MAP4K4: variants seen among roughly 807,000 people sequenced by gnomAD.
MAP4K4 encodes the protein mitogen-activated protein kinase kinase kinase kinase 4, also known as HPK/GCK-like kinase HGK.
Under a neutral mutation model 189.6 loss-of-function variants are expected in MAP4K4, and 38 were observed. The ratio of observed to expected loss-of-function variants is 0.20; its 90% CI spans 0.15 to 0.26. The LOEUF (loss-of-function observed/expected upper bound fraction) is 0.26, where lower values mean the gene tolerates loss of function less well. Among genes scored for constraint, MAP4K4 ranks in the 10% least tolerant of loss-of-function variants. The pLI is 1.00. For missense variants in MAP4K4, 1,054 were observed against 1,726.9 expected (o/e 0.61, Z 6.91); for synonymous variants, 610 against 624.3 (o/e 0.98, Z 0.34).
exon 14 of MAP4K4, chr2:101,859,017 G>C: frequency 6.2e-7 from 1 of 1,612,732 alleles, no homozygotes. Context: ...GCGACAGCTA[G>C]AAGAGGAGCA....
rs1321599736 is a variant in MAP4K4, at chr2:101,704,535, GTGTGTGTATA to G, written c.123+5999_123+6008del. Among the ~76,000 whole-genome samples the G allele has an allele frequency of 3.6e-3, 269 of 75,348 alleles. 6 individuals are homozygous for G. Among genetic ancestry groups the G allele is most frequent in the African/African-American group, 7.8e-3 (119 of 15,306 alleles). 49.4% of individuals were successfully genotyped at this position (75,348 alleles called of 152,430 possible). On this transcript the variant is annotated intron_variant, in intron 2 of 32. Transcript: ENST00000324219. The stretch of plus-strand genomic sequence containing the variant: ...ACCAATATTTTATGTGTGTGTGTGT[GTGTGTGTATA>G]TATATATATATATATATATATATTT...
At position 101,747,793 on chromosome 2, in the gene MAP4K4, GTC is replaced by G. The variant is rs541319547; in HGVS notation, c.124-42925_124-42924del. On this transcript the variant is annotated intron_variant, in intron 2 of 32. Coordinates refer to ENST00000324219, the Ensembl canonical transcript of MAP4K4. ...ATCCCAAATATCATTTTAATACTAT[GTC>G]TAGTTTGGTCCAAGAAATAGGCTTG... Among the ~76,000 whole-genome samples, 9 of 152,252 alleles carry G rather than the reference GTC, an allele frequency of 5.9e-5. No individual in the cohort carries two copies. In the East Asian group the frequency reaches 1.5e-3, roughly 26 times the overall value.
At chr2:101,712,627 G>A (rs1190185771) in intron 2 of MAP4K4, among the ~76,000 whole-genome samples, 2 of 152,008 alleles carry the variant, frequency 1.3e-5, no homozygotes, top group Non-Finnish European at 2.9e-5. Context: ...AACCTCCTGA[G>A]TAGCTGGGAT....
chr2:101,824,405 A>C (rs993228165), intron 4 of MAP4K4, among the ~76,000 whole-genome samples: 1 of 152,220 alleles, frequency 6.6e-6, no homozygotes, highest in Non-Finnish European at 1.5e-5. Flanking sequence ...AAGCTCAGTA[A>C]ATTGAGCTTA....
intron 2 of MAP4K4, among the ~76,000 whole-genome samples, chr2:101,711,828 T>C (rs181403040): frequency 2.0e-5 from 3 of 151,086 alleles, no homozygotes; most frequent in Admixed American, 2.0e-4. Flanking sequence ...GCTGAAAATA[T>C]ATTCTTATTG....
At chr2:101,704,514 A>G (rs959907941) in intron 2 of MAP4K4, among the ~76,000 whole-genome samples, 18 of 127,136 alleles carry the variant, frequency 1.4e-4, no homozygotes, top group Non-Finnish European at 4.8e-5. Context: ...TTCTTAACCA[A>G]TATTTTATGT....
At chr2:101,765,401 C>G (rs1360580929) in intron 2 of MAP4K4, among the ~76,000 whole-genome samples, 3 of 152,202 alleles carry the variant, frequency 2.0e-5, no homozygotes, top group Non-Finnish European at 4.4e-5. Context: ...GCAATCACGG[C>G]TCTCTGCAGC....
At chr2:101,787,804 C>CTTTT (rs750909990) in intron 2 of MAP4K4, among the ~76,000 whole-genome samples, 10 of 128,830 alleles carry the variant, frequency 7.8e-5, no homozygotes, top group South Asian at 2.5e-4. Context: ...TAGAAGTTTG[C>CTTTT]TTTTTTTTTT....
chr2:101,843,479 T>C (rs546023690), intron 11 of MAP4K4, among the ~76,000 whole-genome samples: 4 of 152,312 alleles, frequency 2.6e-5, no homozygotes, highest in African/African-American at 9.6e-5. Flanking sequence ...TGTTTTTGAA[T>C]AGGAGGAGCA....
At chr2:101,755,620 C>T (rs189806862) in intron 2 of MAP4K4, among the ~76,000 whole-genome samples, 4 of 152,252 alleles carry the variant, frequency 2.6e-5, no homozygotes, top group Admixed American at 1.3e-4. Flanking sequence ...TAGCTGCACA[C>T]TCTTTTCTTC....
At chr2:101,839,735 T>A in intron 9 of MAP4K4, 84 bp from the exon 10 acceptor site, 1 of 1,034,392 alleles carries the variant, frequency 9.7e-7, no homozygotes, top group Non-Finnish European at 1.4e-6. Flanking sequence ...AAGCTCTTCT[T>A]TATGTTGAGG....
intron 2 of MAP4K4, among the ~76,000 whole-genome samples, chr2:101,734,569 G>A (rs554753353): frequency 2.4e-5 from 3 of 123,924 alleles, no homozygotes; most frequent in East Asian, 2.4e-4. Context: ...GTGCTTGGTC[G>A]TTACCCATTT....
chr2:101,723,056 G>A (rs986074221), intron 2 of MAP4K4, among the ~76,000 whole-genome samples: 11 of 152,202 alleles, frequency 7.2e-5, no homozygotes, highest in African/African-American at 9.7e-5. Flanking sequence ...TTCACAAGGC[G>A]TCAGGAGGGA....
At chr2:101,745,490 C>T (rs529118543) in intron 2 of MAP4K4, among the ~76,000 whole-genome samples, 26 of 149,610 alleles carry the variant, frequency 1.7e-4, no homozygotes, top group Admixed American at 1.5e-3. Context: ...GATTATAAGT[C>T]CTAAATTTCT....
chr2:101,829,703 T>C, intron 6 of MAP4K4, 109 bp downstream of exon 6: 1 of 728,900 alleles, frequency 1.4e-6, no homozygotes, highest in Admixed American at 2.2e-5. Flanking sequence ...CCATGTTTTC[T>C]ATTTCTGTTC....
At chr2:101,791,975 T>G (rs558786767) in intron 3 of MAP4K4, among the ~76,000 whole-genome samples, 1 of 152,308 alleles carries the variant, frequency 6.6e-6, no homozygotes, top group South Asian at 2.1e-4. Context: ...TGTAGACTAT[T>G]CTGTTGTATT....
At chr2:101,831,881 C>T in intron 7 of MAP4K4, 30 bp downstream of exon 7, 4 of 1,609,004 alleles carry the variant, frequency 2.5e-6, no homozygotes, top group Non-Finnish European at 3.4e-6. Context: ...TAGGCCTTTG[C>T]AGGGCCACTG....
chr2:101,888,923 A>G (rs377281444), exon 32 of MAP4K4: 125 of 1,611,582 alleles, frequency 7.8e-5, no homozygotes, highest in Non-Finnish European at 1.0e-4. Flanking sequence ...TCTTGTGTGA[A>G]CGCAATGACA....
intron 26 of MAP4K4, among the ~76,000 whole-genome samples, chr2:101,875,516 C>T (rs1449714808): frequency 6.6e-6 from 1 of 152,122 alleles, no homozygotes; most frequent in African/African-American, 2.4e-5. Flanking sequence ...GAGCGTTGTT[C>T]TCTCAATGCC....
Sources: gnomAD v4.1 joint callset for allele counts (sites outside exome capture counted in the v4.1 genomes callset) on GRCh38, gnomAD v4.1.1 for gene constraint, MANE v1.5 for transcripts, NCBI Gene and HGNC (gene_info 2026-07-23, HGNC 2026-07-21) for gene names.